The following ARK2C variants were observed in gnomAD, a reference collection of about 807,000 sequenced individuals.
The protein encoded by ARK2C is arkadia (RNF111) C-terminal like ring finger ubiquitin ligase 2C, also known as E3 ubiquitin-protein ligase ARK2C.
the ARK2C span, among the ~76,000 whole-genome samples, chr18:46,412,271 G>C: frequency 2.0e-5 from 3 of 152,248 alleles, no homozygotes; most frequent in African/African-American, 7.2e-5. Flanking sequence ...TGGGGCCATG[G>C]GGTCAAGGGC....
chr18:46,383,795 C>T, the ARK2C span, among the ~76,000 whole-genome samples: 1 of 152,086 alleles, frequency 6.6e-6, no homozygotes, highest in South Asian at 2.1e-4. Flanking sequence ...TCGTGATCCG[C>T]CCACCTTGGC....
At chr18:46,351,480 G>A in the ARK2C span, among the ~76,000 whole-genome samples, 1 of 152,182 alleles carries the variant, frequency 6.6e-6, no homozygotes. Flanking sequence ...GAGCCAAATG[G>A]TAAGGTTTGC....
chr18:46,447,795 G>C, the ARK2C span: 11 of 1,394,736 alleles, frequency 7.9e-6, no homozygotes, highest in Non-Finnish European at 1.1e-5. Context: ...TGGCTCCCCT[G>C]TATCCTTGGC....
the ARK2C span, among the ~76,000 whole-genome samples, chr18:46,362,345 G>A: frequency 6.6e-6 from 1 of 152,176 alleles, no homozygotes; most frequent in Non-Finnish European, 1.5e-5. Flanking sequence ...CTAGGTGAGT[G>A]TTTCAGGACA....
the ARK2C span, chr18:46,334,407 C>A: frequency 7.0e-7 from 1 of 1,418,648 alleles, no homozygotes; most frequent in South Asian, 1.3e-5. The surrounding 1 kb of genome is among the most constrained non-coding windows in gnomAD (Gnocchi z 4.4). Flanking sequence ...GGGCGGGCGC[C>A]GCGGGCGGCC....
chr18:46,339,186 A>G, the ARK2C span, among the ~76,000 whole-genome samples: 1 of 152,342 alleles, frequency 6.6e-6, no homozygotes, highest in African/African-American at 2.4e-5. Context: ...TTTCATTTAC[A>G]GGAGACTTAG....
chr18:46,374,454 A>G, the ARK2C span, among the ~76,000 whole-genome samples: 1 of 151,190 alleles, frequency 6.6e-6, no homozygotes, highest in Non-Finnish European at 1.5e-5. Context: ...CCTTTATTCC[A>G]CTTTCTGTCT....
the ARK2C span, among the ~76,000 whole-genome samples, chr18:46,419,442 AG>A: frequency 2.6e-5 from 4 of 152,156 alleles, no homozygotes; most frequent in Admixed American, 2.0e-4. Flanking sequence ...CTTGTTTTGC[AG>A]ATTGGAAAGC....
the ARK2C span, among the ~76,000 whole-genome samples, chr18:46,369,236 G>A: frequency 6.6e-6 from 1 of 152,184 alleles, no homozygotes; most frequent in Admixed American, 6.5e-5. Context: ...ATACCCAGGA[G>A]CCAATTGAAG....
At chr18:46,358,285 G>A in the ARK2C span, among the ~76,000 whole-genome samples, 18 of 152,130 alleles carry the variant, frequency 1.2e-4, no homozygotes, top group African/African-American at 4.3e-4. Context: ...CCAGGAAGGG[G>A]AGGCCTCCCT....
the ARK2C span, among the ~76,000 whole-genome samples, chr18:46,409,602 A>G: frequency 6.6e-6 from 1 of 152,146 alleles, no homozygotes; most frequent in African/African-American, 2.4e-5. Flanking sequence ...TGTGGTGCAG[A>G]GGAGGGACCT....
chr18:46,406,016 C>A, the ARK2C span, among the ~76,000 whole-genome samples: 1 of 152,014 alleles, frequency 6.6e-6, no homozygotes, highest in Non-Finnish European at 1.5e-5. Flanking sequence ...GCATACATAC[C>A]CCTGTGTGTG....
chr18:46,378,736 G>C, the ARK2C span, among the ~76,000 whole-genome samples: 1 of 152,272 alleles, frequency 6.6e-6, no homozygotes, highest in African/African-American at 2.4e-5. Context: ...CCATGTCTAG[G>C]GCAGAGGGTG....
the ARK2C span, among the ~76,000 whole-genome samples, chr18:46,356,917 G>A: frequency 6.6e-6 from 1 of 152,158 alleles, no homozygotes; most frequent in Non-Finnish European, 1.5e-5. Context: ...ATGGAGCCCC[G>A]GCTGGAAAGG....
At chr18:46,353,967 ACCCC>A in the ARK2C span, among the ~76,000 whole-genome samples, 1 of 151,590 alleles carries the variant, frequency 6.6e-6, no homozygotes, top group Non-Finnish European at 1.5e-5. Flanking sequence ...TATTTAGCTC[ACCCC>A]CTCATTTTAC....
At chr18:46,344,007 T>C in the ARK2C span, among the ~76,000 whole-genome samples, 1 of 152,216 alleles carries the variant, frequency 6.6e-6, no homozygotes, top group Non-Finnish European at 1.5e-5. Context: ...TGCTGTCCTT[T>C]CCTTGAAACA....
At chr18:46,400,808 C>CCATTTGAATCTTCCCCCTTGGT in the ARK2C span, among the ~76,000 whole-genome samples, 1 of 152,132 alleles carries the variant, frequency 6.6e-6, no homozygotes, top group Non-Finnish European at 1.5e-5. Context: ...TGCCATTCCA[C>CCATTTGAATCTTCCCCCTTGGT]CATTTGAATC....
At chr18:46,383,387 C>T in the ARK2C span, among the ~76,000 whole-genome samples, 7 of 152,198 alleles carry the variant, frequency 4.6e-5, no homozygotes, top group East Asian at 9.6e-4. Context: ...AGGAAAAATA[C>T]GTATATATAA....
At chr18:46,363,699 C>T in the ARK2C span, among the ~76,000 whole-genome samples, 2 of 152,154 alleles carry the variant, frequency 1.3e-5, no homozygotes, top group Non-Finnish European at 2.9e-5. Flanking sequence ...AGCTAAGATT[C>T]TCACCGTTAT....
Sources: gnomAD v4.1 joint callset for allele counts (sites outside exome capture counted in the v4.1 genomes callset) on GRCh38, gnomAD v4.1.1 for gene constraint, Gnocchi (gnomAD v3.1) non-coding constraint, MANE v1.5 for transcripts, NCBI Gene and HGNC (gene_info 2026-07-23, HGNC 2026-07-21) for gene names.